The following MYO7A variants were observed in gnomAD, a reference collection of about 807,000 sequenced individuals.
MYO7A encodes unconventional myosin-VIIa.
Under a neutral mutation model 263.8 loss-of-function variants are expected in MYO7A, and 210 were observed. That is an observed-to-expected ratio of 0.80 (90% CI 0.71 to 0.89). MYO7A has a LOEUF of 0.89. Among genes scored for constraint, MYO7A ranks in the 40% least tolerant of loss-of-function variants. The pLI is 0.00. For synonymous variants in MYO7A, 1,239 were observed against 1,197.3 expected (o/e 1.03, Z -0.72); for missense variants, 2,820 against 2,968.3 (o/e 0.95, Z 1.16).
At position 77,214,581 on chromosome 11, in the gene MYO7A, G is replaced by A. The variant is rs145853743; in HGVS notation, c.6559-26G>A. 2,514 of 1,510,148 alleles carry A rather than the reference G, an allele frequency of 1.7e-3. 37 individuals carry two copies. The East Asian group carries it at 0.037, about 22-fold the overall frequency. The allele number at this position is 1,510,148 out of a possible 1,614,324, so 93.5% of individuals were successfully genotyped here. On this transcript the variant is annotated intron_variant, in intron 48 of 48. Transcript: ENST00000409709. ...GCTGGCCCTGTCCCACCGTGTGCTC[G>A]CTTATCTTCTCACCCCTGCTTCCAG... is the stretch of plus-strand genomic sequence containing the variant.
intron 27 of MYO7A, among the ~76,000 whole-genome samples, chr11:77,187,244 G>A (rs1425858011): frequency 2.6e-5 from 4 of 152,186 alleles, no homozygotes; most frequent in Non-Finnish European, 5.9e-5. Flanking sequence ...CGGGAAGTGA[G>A]CACATGCTGT....
rs368606917 is a variant in MYO7A, at chr11:77,177,438, C to G, written c.2188-111C>G. On this transcript the variant is annotated intron_variant, in intron 18 of 48. Transcript: ENST00000409709. ...CCAGCTGGGAGCTCATGGGGCCCAACTGAGTTCTTGACCTGTGCTCCCAGT... is the reference window on the plus strand; with the variant it reads ...CCAGCTGGGAGCTCATGGGGCCCAAGTGAGTTCTTGACCTGTGCTCCCAGT... The G allele has an allele frequency of 2.2e-4, 188 of 864,394 alleles. No homozygotes were observed. The African/African-American group carries it at 2.8e-3, about 13-fold the overall frequency. 53.5% of individuals were successfully genotyped at this position (864,394 alleles called of 1,614,324 possible). A position where few individuals can be genotyped will look rare whatever the true frequency, so the allele number is the denominator to read the frequency against.
rs145467041 is a variant in MYO7A, at chr11:77,180,894, TG to T, written c.2694+418del. 8.2e-3 allele frequency among the ~76,000 whole-genome samples: 1,247 copies of T among 152,290 alleles called. 4 individuals carry two copies. The highest frequency in any genetic ancestry group is 0.012 in the Non-Finnish European group (828 of 68,012). ...GAAATACTAGATTTTGAAGATTTGG[TG>T]GGGGAAAAATGAATATAAAATATCT... On this transcript the variant is annotated intron_variant, in intron 22 of 48. Transcript: ENST00000409709.
chr11:77,192,928 GTTGTTT>G (rs1408761824), intron 31 of MYO7A, among the ~76,000 whole-genome samples: 5 of 44,574 alleles, frequency 1.1e-4, no homozygotes, highest in Non-Finnish European at 2.9e-4. Context: ...TAGTGATGGT[GTTGTTT>G]GTGATGGTGG....
At chr11:77,208,654 C>CT in intron 43 of MYO7A, 43 bp from the exon 44 acceptor site, 6 of 1,521,536 alleles carry the variant, frequency 3.9e-6, no homozygotes, top group Non-Finnish European at 5.4e-6. Flanking sequence ...GAGCACTCCT[C>CT]TGTGCAGGGA....
At chr11:77,186,399 T>C (rs1955649785) in intron 27 of MYO7A, among the ~76,000 whole-genome samples, 1 of 152,234 alleles carries the variant, frequency 6.6e-6, no homozygotes, top group Admixed American at 6.5e-5. Context: ...CTTCTTCCAA[T>C]AGAAGGCTGG....
chr11:77,176,444 C>T (rs1438056099), intron 18 of MYO7A, among the ~76,000 whole-genome samples: 5 of 152,192 alleles, frequency 3.3e-5, no homozygotes, highest in African/African-American at 1.2e-4. Flanking sequence ...AAATATTATA[C>T]CCATTTCACA....
At chr11:77,141,584 C>T (rs1951213463) in intron 2 of MYO7A, among the ~76,000 whole-genome samples, 1 of 152,206 alleles carries the variant, frequency 6.6e-6, no homozygotes, top group South Asian at 2.1e-4. Context: ...CCAAGGCCAG[C>T]AAAGGGCCTA....
chr11:77,170,366 C>T (rs1315270101), intron 15 of MYO7A, among the ~76,000 whole-genome samples: 2 of 152,138 alleles, frequency 1.3e-5, no homozygotes, highest in East Asian at 1.9e-4. Flanking sequence ...AGGTGCACCT[C>T]AGGCAGGGCA....
Position 77,211,207 on chromosome 11 carries a change from A to G in MYO7A, c.6107A>G (p.Gln2036Arg). ...YHKCTREEVL[Q>R]LGALIYRVKF... ...AAGTGCACGCGGGAGGAGGTGCTGCAGCTGGGGGCGCTGATCTACAGGGTC... is the reference window on the plus strand; with the variant it reads ...AAGTGCACGCGGGAGGAGGTGCTGCGGCTGGGGGCGCTGATCTACAGGGTC... Residue 2036 changes from glutamine to arginine, a missense_variant, in exon 45 of 49, where the codon CAG becomes CGG. Transcript: ENST00000409709. The G allele has an allele frequency of 6.3e-7, 1 of 1,592,968 alleles. No homozygotes were observed. The highest frequency in any genetic ancestry group is 2.3e-5 in the East Asian group (1 of 43,942).
At chr11:77,198,134 T>G (rs564758029) in intron 33 of MYO7A, among the ~76,000 whole-genome samples, 1 of 152,350 alleles carries the variant, frequency 6.6e-6, no homozygotes, top group African/African-American at 2.4e-5. Flanking sequence ...GCACCTGCTG[T>G]GTGCCAGGCC....
intron 34 of MYO7A, 36 bp downstream of exon 34, chr11:77,198,657 G>C (rs766246037): frequency 6.2e-7 from 1 of 1,612,112 alleles, no homozygotes; most frequent in Non-Finnish European, 8.5e-7. Flanking sequence ...GACAGACAGA[G>C]GGGAAGGAGA....
At chr11:77,180,007 C>A (rs1237964025) in intron 21 of MYO7A, 54 bp downstream of exon 21, 55 of 1,465,706 alleles carry the variant, frequency 3.8e-5, no homozygotes, top group Non-Finnish European at 4.7e-5. Context: ...CGAGGAGTGT[C>A]CATGCATCAC....
chr11:77,204,098 C>A lies in MYO7A; in HGVS notation c.5349C>A (p.Asp1783Glu), dbSNP rs201008835. The A allele has an allele frequency of 8.9e-5, 143 of 1,601,640 alleles. 1 individual carries two copies. The highest frequency in any genetic ancestry group is 2.5e-5 in the Non-Finnish European group (29 of 1,174,432). The change falls in exon 39 of 49, where the codon GAC (aspartate) becomes GAA (glutamate). Residue 1783 changes from aspartate to glutamate, a missense_variant. Transcript: ENST00000409709. Reference protein sequence around the residue: ...AFIAVLKYMGDYPSKRTRSVN... With the variant: ...AFIAVLKYMGEYPSKRTRSVN... ...CAGCTGTGCTCAAGTACATGGGCGA[C>A]TACCCGTCCAAGAGGACACGCTCCG...
chr11:77,159,505 A>AGCTGCATC lies in MYO7A; in HGVS notation c.1063_1070dup (p.Leu359HisfsTer6). ...TTCTCTTCTCCCCATCGCTGGCCAC[A>AGCTGCATC]GCTGCATCCCTGCTTGAGGTCAGTG... On this transcript the variant is annotated frameshift_variant, in exon 10 of 49. Coordinates refer to ENST00000409709, the MANE Select transcript of MYO7A (RefSeq NM_000260.4). LOFTEE classifies it high-confidence loss of function. 1 of 1,594,610 alleles carries AGCTGCATC rather than the reference A, an allele frequency of 6.3e-7. No homozygotes were observed. Among genetic ancestry groups the AGCTGCATC allele is most frequent in the Non-Finnish European group, 8.6e-7 (1 of 1,168,344 alleles).
chr11:77,140,236 C>T (rs1555049784), intron 2 of MYO7A, among the ~76,000 whole-genome samples: 1 of 152,246 alleles, frequency 6.6e-6, no homozygotes, highest in South Asian at 2.1e-4. Flanking sequence ...AGACCCCTGC[C>T]TTCCAGCTGC....
At chr11:77,156,477 G>A (rs545536249) in intron 5 of MYO7A, among the ~76,000 whole-genome samples, 183 bp from the exon 6 acceptor site, 5 of 152,346 alleles carry the variant, frequency 3.3e-5, no homozygotes, top group South Asian at 2.1e-4. Flanking sequence ...GTATCTGAAC[G>A]AAGGTGAAGG....
At chr11:77,185,478 A>C (rs1181778108) in intron 27 of MYO7A, among the ~76,000 whole-genome samples, 3 of 152,224 alleles carry the variant, frequency 2.0e-5, no homozygotes, top group Non-Finnish European at 4.4e-5. Context: ...CTCCTCCATA[A>C]GAGGCAACTC....
At chr11:77,188,910 A>G (rs1955826273) in intron 27 of MYO7A, among the ~76,000 whole-genome samples, 1 of 152,144 alleles carries the variant, frequency 6.6e-6, no homozygotes, top group Non-Finnish European at 1.5e-5. Context: ...GTCCGTTGCC[A>G]TGGGTAGAAG....
Sources: gnomAD v4.1 joint callset for allele counts (sites outside exome capture counted in the v4.1 genomes callset) on GRCh38, gnomAD v4.1.1 for gene constraint, MANE v1.5 for transcripts, NCBI Gene and HGNC (gene_info 2026-07-23, HGNC 2026-07-21) for gene names.